Variants in CACNA1C observed in about 807,000 individuals in gnomAD.
CACNA1C encodes calcium voltage-gated channel subunit alpha1 C.
In CACNA1C, 30 loss-of-function variants were observed where a neutral mutation model predicts 229.0. That is an observed-to-expected ratio of 0.13 (90% CI 0.10 to 0.18). The LOEUF is 0.18. Ranked by LOEUF, CACNA1C falls within the 10% of genes least tolerant of loss-of-function variation. The pLI is 1.00. For synonymous variants in CACNA1C, 1,114 were observed against 1,132.5 expected (o/e 0.98, Z 0.33); for missense variants, 1,658 against 2,845.0 (o/e 0.58, Z 9.49).
In CACNA1C at chr12:2,474,940, G is replaced by A. The variant is rs61503881; in HGVS notation, c.758-11164G>A. ...AAAGATGCCTGATAGAAACAAATGT[G>A]AATCCTCTGTGGAGAAAGATAACAT... On this transcript the variant is annotated intron_variant, in intron 5 of 46. Coordinates refer to ENST00000399655, the MANE Select transcript of CACNA1C (RefSeq NM_000719.7). Among the ~76,000 whole-genome samples, 651 of 152,216 alleles carry A rather than the reference G, an allele frequency of 4.3e-3. 4 individuals carry two copies. The highest frequency in any genetic ancestry group is 0.014 in the African/African-American group (581 of 41,532).
chr12:2,041,671 A>G (rs1289420745), intron 1 of CACNA1C, among the ~76,000 whole-genome samples: 1 of 152,204 alleles, frequency 6.6e-6, no homozygotes, highest in East Asian at 1.9e-4. Context: ...AAACCCCAAG[A>G]AGGGAGGCAT....
chr12:2,550,162 C>A, intron 10 of CACNA1C, 129 bp downstream of exon 10: 1 of 739,396 alleles, frequency 1.4e-6, no homozygotes, highest in South Asian at 1.7e-5. Flanking sequence ...TGGCAAGAAA[C>A]AAACCTCAGG....
intron 3 of CACNA1C, among the ~76,000 whole-genome samples, chr12:2,234,344 G>T (rs1182310765): frequency 6.6e-6 from 1 of 152,192 alleles, no homozygotes; most frequent in East Asian, 1.9e-4. Flanking sequence ...CTGACCGATT[G>T]CCTGTTCTTG....
chr12:2,331,212 A>G (rs1273771455), intron 3 of CACNA1C, among the ~76,000 whole-genome samples: 2 of 152,200 alleles, frequency 1.3e-5, no homozygotes, highest in African/African-American at 2.4e-5. Flanking sequence ...TGTTAATATG[A>G]TTATATTTAT....
intron 3 of CACNA1C, among the ~76,000 whole-genome samples, chr12:2,201,749 G>A (rs181269431): frequency 5.6e-4 from 85 of 152,310 alleles, no homozygotes; most frequent in Middle Eastern, 3.4e-3. Flanking sequence ...ACAGGAAAGC[G>A]TGTCTTCCTT....
At chr12:2,173,108 G>A (rs979959745) in intron 3 of CACNA1C, among the ~76,000 whole-genome samples, 5 of 152,218 alleles carry the variant, frequency 3.3e-5, no homozygotes, top group Non-Finnish European at 7.3e-5. Context: ...GAAGAGTGCA[G>A]GAGTTTCCGT....
intron 3 of CACNA1C, among the ~76,000 whole-genome samples, chr12:2,248,511 T>TG (rs1299636562): frequency 6.6e-6 from 1 of 152,216 alleles, no homozygotes; most frequent in East Asian, 1.9e-4. Flanking sequence ...AACTGGCAGA[T>TG]GCTCTGTGTT....
rs201049603 is a variant in CACNA1C at position 2,679,550 on chromosome 12, C to T, written c.5198C>T (p.Ala1733Val). 1.2e-5 allele frequency: 20 copies of T among 1,613,210 alleles called. No individual in the cohort carries two copies. Among genetic ancestry groups the T allele is most frequent in the Admixed American group, 1.0e-4 (6 of 59,892 alleles). The part of the protein sequence containing the change: ...TTQRPLHINK[A>V]GSSQGDTESP... ...CAGCGCCCGCTGCACATCAACAAGG[C>T]GGGCAGCAGCCAGGGCGACACTGAG... The change falls in exon 42 of 47, where the codon GCG becomes GTG. Residue 1733 changes from alanine (A) to valine (V), a missense_variant. Ala to Val is a moderately conservative substitution (Grantham distance 64). Around this residue, in one of 20 missense-constraint regions of CACNA1C, gnomAD observed 590 missense variants for 700.8 expected, o/e 0.84. Coordinates refer to ENST00000399655, the MANE Select transcript of CACNA1C (RefSeq NM_000719.7). The surrounding 1 kb of genome is among the most constrained non-coding windows in gnomAD (Gnocchi z 5.5).
At chr12:1,990,421 G>C (rs368917524) in intron 1 of CACNA1C, among the ~76,000 whole-genome samples, 2 of 152,110 alleles carry the variant, frequency 1.3e-5, no homozygotes, top group Admixed American at 1.3e-4. Flanking sequence ...AATCTATTTT[G>C]TGTTTGAATG....
chr12:2,135,777 C>T lies in CACNA1C; in HGVS notation c.477+15347C>T, dbSNP rs1210863351. 1.4e-5 allele frequency among the ~76,000 whole-genome samples: 2 copies of T among 146,596 alleles called. 1 individual carries two copies. The highest frequency in any genetic ancestry group is 5.3e-5 in the African/African-American group (2 of 37,464). On this transcript the variant is annotated intron_variant, in intron 3 of 46. Transcript: ENST00000399655. ...GTCTTTTTGTTTGTCTGTGCCCTGC[C>T]CCCAGAGGTGGAGCCTACAGAGGCA...
chr12:2,500,029 G>T (rs752191737), intron 7 of CACNA1C, among the ~76,000 whole-genome samples: 3 of 152,106 alleles, frequency 2.0e-5, no homozygotes, highest in Non-Finnish European at 2.9e-5. Flanking sequence ...AGCCAGGCAG[G>T]CCAGAGAATC....
intron 9 of CACNA1C, among the ~76,000 whole-genome samples, chr12:2,540,261 C>T (rs926530720): frequency 1.3e-5 from 2 of 152,106 alleles, no homozygotes; most frequent in Non-Finnish European, 2.9e-5. Context: ...CTAGGAGTCC[C>T]CTTAAAACCC....
intron 34 of CACNA1C, among the ~76,000 whole-genome samples, chr12:2,656,675 A>T (rs1462057829): frequency 6.6e-6 from 1 of 152,226 alleles, no homozygotes; most frequent in East Asian, 1.9e-4. Context: ...GCATGATATA[A>T]AAATCTGTTA....
intron 5 of CACNA1C, among the ~76,000 whole-genome samples, chr12:2,459,568 G>A (rs557465896): frequency 7.9e-5 from 12 of 152,178 alleles, no homozygotes; most frequent in Non-Finnish European, 1.5e-4. Context: ...TTCTCTACTC[G>A]GCCTTAACTG....
At position 2,611,875 on chromosome 12, in the gene CACNA1C, T is replaced by G. The variant is rs770568584; in HGVS notation, c.3718-28T>G. On this transcript the variant is annotated intron_variant, in intron 28 of 46. Coordinates refer to ENST00000399655, the MANE Select transcript of CACNA1C (RefSeq NM_000719.7). Reference sequence around the variant, plus strand: ...GAGGAGCGACCTCCCTGCCCCGTGTTCACAGCTCCTCCCCTCTCCTGATGC... The same window carrying G: ...GAGGAGCGACCTCCCTGCCCCGTGTGCACAGCTCCTCCCCTCTCCTGATGC... The G allele has an allele frequency of 2.3e-5, 33 of 1,463,494 alleles. 1 individual carries two copies. The highest frequency in any genetic ancestry group is 1.9e-6 in the Non-Finnish European group (2 of 1,043,708). The allele number at this position is 1,463,494 out of a possible 1,614,324, so 90.7% of individuals were successfully genotyped here. A position where few individuals can be genotyped will look rare whatever the true frequency, so the allele number is the denominator to read the frequency against.
chr12:2,409,094 C>G (rs1254082256), intron 3 of CACNA1C, among the ~76,000 whole-genome samples: 1 of 152,144 alleles, frequency 6.6e-6, no homozygotes, highest in Non-Finnish European at 1.5e-5. Context: ...TGGCTCTGTT[C>G]CTTTTACACT....
intron 5 of CACNA1C, among the ~76,000 whole-genome samples, chr12:2,474,374 T>C (rs1455862398): frequency 1.3e-5 from 2 of 152,210 alleles, no homozygotes; most frequent in Non-Finnish European, 1.5e-5. Flanking sequence ...AATATATCCT[T>C]GTATTCAAAA....
rs1465803463 is a variant in CACNA1C, at chr12:2,654,201, G to A, written c.4140+301G>A. On this transcript the variant is annotated intron_variant, in intron 33 of 46. Transcript: ENST00000399655. The surrounding 1 kb of genome is among the most constrained non-coding windows in gnomAD (Gnocchi z 4.4). ...AAGACACTCTCCAGTTATGCAAGGG[G>A]CCTCGGGACAGACACAGCCCCTTCT... Among the ~76,000 whole-genome samples, 1 of 152,172 alleles carries A rather than the reference G, an allele frequency of 6.6e-6. No individual in the cohort carries two copies. Among genetic ancestry groups the A allele is most frequent in the Non-Finnish European group, 1.5e-5 (1 of 68,026 alleles).
chr12:2,423,054 T>G (rs1386910967), intron 3 of CACNA1C, among the ~76,000 whole-genome samples: 1 of 152,136 alleles, frequency 6.6e-6, no homozygotes, highest in African/African-American at 2.4e-5. Context: ...AGCTCCGATG[T>G]CATCTAGCAT....
Sources: allele counts gnomAD v4.1 joint callset (sites outside exome capture counted in the v4.1 genomes callset), GRCh38; gene constraint gnomAD v4.1.1; regional missense constraint gnomAD v4.1.1; non-coding constraint Gnocchi (gnomAD v3.1); transcripts MANE v1.5; gene names NCBI Gene and HGNC (gene_info 2026-07-23, HGNC 2026-07-21).